The following ADAMTSL3 variants were observed in gnomAD, a reference collection of about 807,000 sequenced individuals.
ADAMTSL3 encodes the protein ADAMTS-like protein 3.
Under a neutral mutation model 201.7 loss-of-function variants are expected in ADAMTSL3, and 128 were observed. The observed-to-expected ratio is 0.63, with a 90% confidence interval of 0.55 to 0.73. ADAMTSL3 has a LOEUF of 0.73. ADAMTSL3 is among the 30% of genes least tolerant of loss of function. ADAMTSL3 has a pLI of 0.00. For missense variants in ADAMTSL3, 1,990 were observed against 2,119.6 expected, an observed-to-expected ratio of 0.94 and a Z score of 1.20; for synonymous variants, 738 against 748.4, an observed-to-expected ratio of 0.99 and a Z score of 0.23.
intron 15 of ADAMTSL3, among the ~76,000 whole-genome samples, chr15:83,905,459 G>A (rs937781126): frequency 1.3e-5 from 2 of 152,172 alleles, no homozygotes; most frequent in African/African-American, 4.8e-5. Flanking sequence ...TCTGAGGTGG[G>A]TGAGGGGCGA....
intron 3 of ADAMTSL3, among the ~76,000 whole-genome samples, chr15:83,754,219 G>A (rs1038941491): frequency 1.3e-5 from 2 of 152,172 alleles, no homozygotes; most frequent in African/African-American, 4.8e-5. Context: ...GGGCAAAACT[G>A]TGTGACAGAA....
At chr15:83,778,232 C>G (rs2063113176) in intron 4 of ADAMTSL3, among the ~76,000 whole-genome samples, 1 of 152,036 alleles carries the variant, frequency 6.6e-6, no homozygotes, top group African/African-American at 2.4e-5. Flanking sequence ...ATGGATGAAC[C>G]CAACTAGCTA....
intron 13 of ADAMTSL3, among the ~76,000 whole-genome samples, chr15:83,896,440 A>G (rs1567221212): frequency 6.6e-6 from 1 of 152,356 alleles, no homozygotes; most frequent in South Asian, 2.1e-4. Flanking sequence ...CAAATTTTAG[A>G]AAGCTGACAA....
chr15:84,031,573 C>T lies in ADAMTSL3; in HGVS notation c.4754+141C>T, dbSNP rs968853364. ...TTTTCAATTATGATTTATTTAGTGT[C>T]ATCTTCAATAGTATATATTATACTG... On this transcript the variant is annotated intron_variant, in intron 28 of 29. Coordinates refer to ENST00000286744, the MANE Select transcript of ADAMTSL3 (RefSeq NM_207517.3). 14 of 686,644 alleles carry T rather than the reference C, an allele frequency of 2.0e-5. No homozygotes were observed. In the African/African-American group the frequency reaches 2.5e-4, roughly 12 times the overall value. The allele number at this position is 686,644 out of a possible 1,614,324, so 42.5% of individuals were successfully genotyped here.
intron 4 of ADAMTSL3, among the ~76,000 whole-genome samples, chr15:83,773,966 GCC>G (rs1419346261): frequency 6.6e-6 from 1 of 152,134 alleles, no homozygotes; most frequent in Non-Finnish European, 1.5e-5. Context: ...TCTGAGTTCT[GCC>G]CTTGGGTTGC....
Position 84,036,901 on chromosome 15 carries a change from G to C in ADAMTSL3, c.4883G>C (p.Arg1628Thr). ...CGGAAAGTCGACTGTATCCACACAA[G>C]GAGTTGCAAACCTGTGGCCAAGAGA... ...QSRKVDCIHTRSCKPVAKRHC... is the reference protein window; with the variant it reads ...QSRKVDCIHTTSCKPVAKRHC... The change falls in exon 29 of 30, where the codon AGG becomes ACG. Residue 1628 changes from arginine (R) to threonine (T), a missense_variant. By Grantham distance (71) the Arg-to-Thr change is moderately conservative. Coordinates refer to ENST00000286744, the MANE Select transcript of ADAMTSL3 (RefSeq NM_207517.3). 6.2e-7 allele frequency: 1 copy of C among 1,614,112 alleles called. No individual in the cohort carries two copies. Among genetic ancestry groups the C allele is most frequent in the South Asian group, 1.1e-5 (1 of 91,080 alleles).
At chr15:83,902,337 C>T (rs919485058) in intron 15 of ADAMTSL3, among the ~76,000 whole-genome samples, 3 of 152,194 alleles carry the variant, frequency 2.0e-5, no homozygotes, top group African/African-American at 7.2e-5. Flanking sequence ...GTGGCGTGAT[C>T]TCTGCTCACT....
At chr15:84,005,284 A>C (rs1700905814) in intron 23 of ADAMTSL3, among the ~76,000 whole-genome samples, 1 of 152,188 alleles carries the variant, frequency 6.6e-6, no homozygotes, top group Admixed American at 6.5e-5. Context: ...GCTAATAGCT[A>C]TTTGTTCATC....
At chr15:83,959,346 T>C (rs1358291510) in intron 19 of ADAMTSL3, among the ~76,000 whole-genome samples, 1 of 152,176 alleles carries the variant, frequency 6.6e-6, no homozygotes, top group African/African-American at 2.4e-5. Context: ...GGAGAATCAC[T>C]TGAACCCAGG....
At chr15:83,719,015 A>G (rs1220823921) in intron 3 of ADAMTSL3, among the ~76,000 whole-genome samples, 5 of 152,176 alleles carry the variant, frequency 3.3e-5, no homozygotes, top group Admixed American at 3.3e-4. Context: ...TCATTTTGCA[A>G]CTCTAATGAA....
In ADAMTSL3 at chr15:84,005,648, G is replaced by A. The variant is rs544963227; in HGVS notation, c.3974-8894G>A. Among the ~76,000 whole-genome samples the A allele has an allele frequency of 9.8e-5, 15 of 152,310 alleles. No homozygotes were observed. The South Asian group carries it at 3.1e-3, about 32-fold the overall frequency. On this transcript the variant is annotated intron_variant, in intron 23 of 29. Transcript: ENST00000286744. Reference sequence around the variant, plus strand: ...GCGTTAAAGAACTGCCCAGGCTCGCGCAAAGCAGAAGCCCAGGGTACGTGA... The same window carrying A: ...GCGTTAAAGAACTGCCCAGGCTCGCACAAAGCAGAAGCCCAGGGTACGTGA...
At position 83,870,842 on chromosome 15, in the gene ADAMTSL3, C is replaced by T. The variant is rs1441422216; in HGVS notation, c.843C>T (p.His281=). ...CACTTCAAGGAAGCAAAGGAGAACA[C>T]AGCTTTAACAGCCCCGGCGTCTTTC... The part of the protein sequence containing the change: ...SKTLQGSKGE[H]SFNSPGVFLV... Residue 281 remains histidine (H), a synonymous_variant, in exon 9 of 30, where the codon CAC becomes CAT. Transcript: ENST00000286744. The T allele has an allele frequency of 1.2e-6, 2 of 1,610,984 alleles. No homozygotes were observed. The highest frequency in any genetic ancestry group is 1.7e-5 in the Admixed American group (1 of 59,252).
chr15:83,995,067 G>A (rs1475413105), intron 23 of ADAMTSL3, among the ~76,000 whole-genome samples: 2 of 152,112 alleles, frequency 1.3e-5, no homozygotes, highest in African/African-American at 2.4e-5. Flanking sequence ...GTTGTCCCAG[G>A]CTGACCCACA....
At chr15:83,871,294 G>C (rs116727815) in intron 9 of ADAMTSL3, among the ~76,000 whole-genome samples, 4 of 152,158 alleles carry the variant, frequency 2.6e-5, no homozygotes, top group Admixed American at 1.3e-4. Context: ...GCTATTCACA[G>C]CTGCAGTCAT....
At position 83,777,424 on chromosome 15, in the gene ADAMTSL3, T is replaced by A. The variant is rs530101152; in HGVS notation, c.317+3774T>A. Among the ~76,000 whole-genome samples the A allele has an allele frequency of 3.3e-5, 5 of 152,162 alleles. No homozygotes were observed. The East Asian group carries it at 5.8e-4, about 18-fold the overall frequency. On this transcript the variant is annotated intron_variant, in intron 4 of 29. Transcript: ENST00000286744. ...CCTGCAGTGCAGTGGATTCCTAACA[T>A]CAAGGAGCCAGAGAACAAAGTTGGG...
chr15:84,024,433 C>G (rs984154708), intron 26 of ADAMTSL3, among the ~76,000 whole-genome samples: 4 of 152,126 alleles, frequency 2.6e-5, no homozygotes, highest in African/African-American at 9.7e-5. Flanking sequence ...AACAAAATCA[C>G]AGGTATTATT....
intron 4 of ADAMTSL3, among the ~76,000 whole-genome samples, chr15:83,803,558 G>A (rs1295875341): frequency 1.3e-5 from 2 of 152,190 alleles, no homozygotes; most frequent in Non-Finnish European, 2.9e-5. Flanking sequence ...TAACTCCATT[G>A]AAAAATTAGG....
At chr15:83,794,554 A>G (rs891307689) in intron 4 of ADAMTSL3, among the ~76,000 whole-genome samples, 8 of 152,194 alleles carry the variant, frequency 5.3e-5, no homozygotes, top group Admixed American at 5.2e-4. Flanking sequence ...TAAAAATCCA[A>G]TCTCTAAAGC....
At chr15:83,678,140 T>G (rs1162858429) in intron 2 of ADAMTSL3, among the ~76,000 whole-genome samples, 1 of 152,124 alleles carries the variant, frequency 6.6e-6, no homozygotes, top group Non-Finnish European at 1.5e-5. Context: ...CCACATCAGA[T>G]GACATAATTT....
Sources: gnomAD v4.1 joint callset for allele counts (sites outside exome capture counted in the v4.1 genomes callset) on GRCh38, gnomAD v4.1.1 for gene constraint, MANE v1.5 for transcripts, NCBI Gene and HGNC (gene_info 2026-07-23, HGNC 2026-07-21) for gene names.